DENND11: variants seen among roughly 807,000 people sequenced by gnomAD.
The protein encoded by DENND11 is DENN domain-containing protein 11.
A neutral mutation model predicts 49.2 loss-of-function variants in DENND11; 34 were observed. That is an observed-to-expected ratio of 0.69 (90% CI 0.53 to 0.92). The LOEUF (loss-of-function observed/expected upper bound fraction) is 0.92. DENND11 is among the 40% of genes least tolerant of loss of function. DENND11 has a pLI of 0.00. For synonymous variants in DENND11, 238 were observed against 230.3 expected, an observed-to-expected ratio of 1.03 and a Z score of -0.30; for missense variants, 475 against 581.6, an observed-to-expected ratio of 0.82 and a Z score of 1.88.
chr7:141,687,597 T>TG (rs1256126477), intron 1 of DENND11, among the ~76,000 whole-genome samples: 1 of 149,852 alleles, frequency 6.7e-6, no homozygotes, highest in African/African-American at 2.5e-5. Flanking sequence ...CCCACGTAGC[T>TG]GGGATTACAG....
rs571068777 is a variant in DENND11 at position 141,664,278 on chromosome 7, C to A, written c.1104-38G>T. 1.5e-4 allele frequency: 227 copies of A among 1,526,572 alleles called. 2 individuals carry two copies. The South Asian group carries it at 2.6e-3, about 17-fold the overall frequency. 94.6% of individuals were successfully genotyped at this position (1,526,572 alleles called of 1,614,324 possible). ...TCACCGTGAGACTCTGGTGCAGGTACCAGGACCGCAGTCACAGGTGAGGCC... is the reference window on the plus strand; with the variant it reads ...TCACCGTGAGACTCTGGTGCAGGTAACAGGACCGCAGTCACAGGTGAGGCC... On this transcript the variant is annotated intron_variant, in intron 7 of 8. Coordinates refer to ENST00000536163, the MANE Select transcript of DENND11 (RefSeq NM_001080392.2).
At position 141,674,230 on chromosome 7, in the gene DENND11, A is replaced by C. The variant is rs929603453; in HGVS notation, c.528-10T>G. 193 of 1,494,608 alleles carry C rather than the reference A, an allele frequency of 1.3e-4. No individual in the cohort carries two copies. The highest frequency in any genetic ancestry group is 6.1e-4 in the South Asian group (47 of 76,494). The allele number at this position is 1,494,608 out of a possible 1,614,324, so 92.6% of individuals were successfully genotyped here. On this transcript the variant is annotated splice_polypyrimidine_tract_variant and intron_variant, in intron 3 of 8. Transcript: ENST00000536163. ...CATCTCCAACTGGTGCCTGCAGAAAAACACACACACACACACACACACACA... is the reference window on the plus strand; with the variant it reads ...CATCTCCAACTGGTGCCTGCAGAAACACACACACACACACACACACACACA...
intron 1 of DENND11, among the ~76,000 whole-genome samples, chr7:141,695,202 A>G (rs961735321): frequency 6.6e-6 from 1 of 152,064 alleles, no homozygotes; most frequent in African/African-American, 2.4e-5. Context: ...TTCATGTTAT[A>G]GGGGATATGA....
intron 3 of DENND11, among the ~76,000 whole-genome samples, chr7:141,675,399 T>G (rs1308340341): frequency 2.0e-5 from 3 of 152,202 alleles, no homozygotes; most frequent in Non-Finnish European, 2.9e-5. Flanking sequence ...GTTTTGGCAC[T>G]TTGTTATGCA....
intron 3 of DENND11, among the ~76,000 whole-genome samples, chr7:141,674,928 C>G (rs114744451): frequency 2.1e-3 from 318 of 152,274 alleles, no homozygotes; most frequent in African/African-American, 7.0e-3. Context: ...TCCTGCCCCC[C>G]AGTGGAGCGC....
At chr7:141,662,885 C>CG (rs199714614) in intron 8 of DENND11, 34 bp from the exon 9 acceptor site, 492 of 1,466,836 alleles carry the variant, frequency 3.4e-4, no homozygotes, top group Middle Eastern at 7.1e-4. Flanking sequence ...GGAAAGGAAG[C>CG]GGGGGGGAAT....
chr7:141,682,737 G>A (rs746025658), intron 3 of DENND11, among the ~76,000 whole-genome samples: 14 of 152,082 alleles, frequency 9.2e-5, no homozygotes, highest in Non-Finnish European at 1.9e-4. Context: ...ATCTTTTATC[G>A]TAATCCGGCC....
At chr7:141,699,820 T>C (rs1409757761) in intron 1 of DENND11, among the ~76,000 whole-genome samples, 1 of 152,180 alleles carries the variant, frequency 6.6e-6, no homozygotes, top group Non-Finnish European at 1.5e-5. Context: ...GTGATCAGAA[T>C]AAATCAAACA....
intron 1 of DENND11, among the ~76,000 whole-genome samples, chr7:141,688,677 C>A (rs192837167): frequency 6.6e-6 from 1 of 152,242 alleles, no homozygotes; most frequent in East Asian, 1.9e-4. Context: ...TTTCCCCTAC[C>A]ATCCATGTCT....
At chr7:141,701,361 G>A in intron 1 of DENND11, among the ~76,000 whole-genome samples, 1 of 146,342 alleles carries the variant, frequency 6.8e-6, no homozygotes, top group East Asian at 2.1e-4. Flanking sequence ...GGGAGCTAGG[G>A]CGAGCGGGGA....
chr7:141,701,912 A>G lies in DENND11; in HGVS notation c.242T>C (p.Phe81Ser). 8.2e-7 allele frequency: 1 copy of G among 1,212,176 alleles called. No homozygotes were observed. The allele number at this position is 1,212,176 out of a possible 1,614,324, so 75.1% of individuals were successfully genotyped here. The change falls in exon 1 of 9, where the codon TTC (phenylalanine) becomes TCC (serine). Residue 81 changes from phenylalanine to serine, a missense_variant. Transcript: ENST00000536163. ...CGAGCGGGGGTCGAAGGTGACCACGAACACGGCCACCACCTGGTCCTCCTC... is the reference window on the plus strand; with the variant it reads ...CGAGCGGGGGTCGAAGGTGACCACGGACACGGCCACCACCTGGTCCTCCTC... ...DVEEDQVVAV[F>S]VVTFDPRSGN...
rs1453566446 is a variant in DENND11 at position 141,665,169 on chromosome 7, G to A, written c.952+18C>T. ...GCTGGGACCTGAGGGCAAGATGAGG[G>A]GAGGGCCCCGTACTCACAGGCCACA... On this transcript the variant is annotated intron_variant, in intron 6 of 8. Transcript: ENST00000536163. 3.1e-6 allele frequency: 5 copies of A among 1,612,548 alleles called. No individual in the cohort carries two copies. The African/African-American group carries it at 5.3e-5, about 17-fold the overall frequency.
chr7:141,664,477 T>C (rs1332795061), intron 7 of DENND11, among the ~76,000 whole-genome samples: 4 of 152,198 alleles, frequency 2.6e-5, no homozygotes, highest in Non-Finnish European at 4.4e-5. Context: ...ATGATGATGA[T>C]GATACTTATT....
intron 3 of DENND11, 92 bp from the exon 4 acceptor site, chr7:141,674,312 T>G (rs1220775127): frequency 7.2e-7 from 1 of 1,392,232 alleles, no homozygotes; most frequent in African/African-American, 1.6e-5. Context: ...TCCGCCCACC[T>G]CAAGGGGCTG....
At chr7:141,673,921 T>C (rs1798024116) in intron 4 of DENND11, 146 bp downstream of exon 4, 1 of 999,064 alleles carries the variant, frequency 1.0e-6, no homozygotes, top group Non-Finnish European at 1.4e-6. Context: ...AAAAACCAAA[T>C]GCTTATGTTG....
At chr7:141,688,969 C>T (rs1322961218) in intron 1 of DENND11, among the ~76,000 whole-genome samples, 6 of 152,200 alleles carry the variant, frequency 3.9e-5, no homozygotes, top group African/African-American at 1.4e-4. Flanking sequence ...TCCTCATACT[C>T]AACCAACCTG....
chr7:141,701,802 G>A (rs1018075449), intron 1 of DENND11, 84 bp downstream of exon 1: 12 of 1,068,972 alleles, frequency 1.1e-5, no homozygotes, highest in Non-Finnish European at 2.3e-6. Context: ...GCAGGTGCGC[G>A]CGCAGCGAGC....
In DENND11 at chr7:141,657,587, G is replaced by A. The variant is rs1160670565; in HGVS notation, c.*5069C>T. ...TCGCTGACTGGCCTTAGAAAGCAAA[G>A]TAAATTTATTGTTAGTCTAAATAAG... is the stretch of plus-strand genomic sequence containing the variant. On this transcript the variant is annotated 3_prime_UTR_variant, in exon 9 of 9. Coordinates refer to ENST00000536163, the MANE Select transcript of DENND11 (RefSeq NM_001080392.2). 1 of 152,332 alleles carries A rather than the reference G, an allele frequency of 6.6e-6. No homozygotes were observed. The highest frequency in any genetic ancestry group is 1.5e-5 in the Non-Finnish European group (1 of 68,008). The allele number at this position is 152,332 out of a possible 1,614,324, so 9.4% of individuals were successfully genotyped here. A position where few individuals can be genotyped will look rare whatever the true frequency, so the allele number is the denominator to read the frequency against.
Position 141,664,900 on chromosome 7 carries a change from C to G in DENND11, c.1103+4G>C, listed in dbSNP as rs769062375. 7 of 1,609,900 alleles carry G rather than the reference C, an allele frequency of 4.3e-6. No homozygotes were observed. Among genetic ancestry groups the G allele is most frequent in the Non-Finnish European group, 5.9e-6 (7 of 1,177,974 alleles). ...CCCCTGGTTCTCCCCTTAGCTGCCA[C>G]TACCTCTGCTCGTTGAGCCGGCGGT... On this transcript the variant is annotated splice_donor_region_variant and intron_variant, in intron 7 of 8. Transcript: ENST00000536163.
Sources: allele counts gnomAD v4.1 joint callset (sites outside exome capture counted in the v4.1 genomes callset), GRCh38; gene constraint gnomAD v4.1.1; transcripts MANE v1.5; gene names NCBI Gene and HGNC (gene_info 2026-07-23, HGNC 2026-07-21).